The following NR5A2 variants were observed in gnomAD, a reference collection of about 807,000 sequenced individuals.
The protein encoded by NR5A2 is nuclear receptor subfamily 5 group A member 2.
Under a neutral mutation model 62.7 loss-of-function variants are expected in NR5A2, and 26 were observed. The ratio of observed to expected loss-of-function variants is 0.41; its 90% CI spans 0.30 to 0.58. The LOEUF (loss-of-function observed/expected upper bound fraction) is 0.58. Ranked by LOEUF, NR5A2 falls within the 20% of genes least tolerant of loss-of-function variation. NR5A2 has a pLI of 0.22. For synonymous variants in NR5A2, 246 were observed against 241.7 expected, an observed-to-expected ratio of 1.02 and a Z score of -0.16; for missense variants, 541 against 669.1, an observed-to-expected ratio of 0.81 and a Z score of 2.11.
intron 7 of NR5A2, among the ~76,000 whole-genome samples, chr1:200,129,437 C>T (rs80286282): frequency 1.6e-4 from 25 of 152,160 alleles, no homozygotes; most frequent in African/African-American, 6.0e-4. Flanking sequence ...CCCAGAAAAC[C>T]ACGGCACTTC....
chr1:200,068,405 T>C (rs1458753542), intron 5 of NR5A2, among the ~76,000 whole-genome samples: 1 of 152,224 alleles, frequency 6.6e-6, no homozygotes, highest in Non-Finnish European at 1.5e-5. Context: ...CAACAGGACT[T>C]AGTTTCCCAC....
chr1:200,029,318 C>G, intron 1 of NR5A2: 1 of 172,050 alleles, frequency 5.8e-6, no homozygotes, highest in South Asian at 1.6e-4. Flanking sequence ...TAGAGTTGAG[C>G]TGGGTCGGGA....
chr1:200,064,546 G>C (rs1372290211), intron 5 of NR5A2, among the ~76,000 whole-genome samples: 1 of 152,128 alleles, frequency 6.6e-6, no homozygotes, highest in East Asian at 1.9e-4. Context: ...GGTAAAGCTG[G>C]ACAGGTGAGC....
Position 200,147,136 on chromosome 1 carries a change from G to GA in NR5A2, c.1378+26187dup, listed in dbSNP as rs756196351. 6.6e-6 allele frequency among the ~76,000 whole-genome samples: 1 copy of GA among 152,118 alleles called. No homozygotes were observed. The highest frequency in any genetic ancestry group is 6.5e-5 in the Admixed American group (1 of 15,274). ...GGTGAGGAAAATAAAAAATGTTTCC[G>GA]AAAAAAGTGGGCTGTGATGCAAGGT... is the stretch of plus-strand genomic sequence containing the variant. On this transcript the variant is annotated intron_variant, in intron 7 of 7. Coordinates refer to ENST00000367362, the MANE Select transcript of NR5A2 (RefSeq NM_205860.3). This position sits in a 1 kb window ranked among gnomAD's most constrained non-coding sequence, Gnocchi z 4.9.
chr1:200,145,408 C>A (rs1024774173), intron 7 of NR5A2, among the ~76,000 whole-genome samples: 4 of 150,390 alleles, frequency 2.7e-5, no homozygotes, highest in African/African-American at 4.9e-5. Context: ...GGTGGTTCAC[C>A]AATTCCTGTG....
In NR5A2 at chr1:200,164,878, T is replaced by G. The variant is rs1374514850; in HGVS notation, c.1379-9085T>G. Among the ~76,000 whole-genome samples the G allele has an allele frequency of 1.6e-4, 22 of 141,568 alleles. 1 individual carries two copies. In the East Asian group the frequency reaches 4.3e-3, roughly 27 times the overall value. The allele number at this position is 141,568 out of a possible 152,430, so 92.9% of individuals were successfully genotyped here. On this transcript the variant is annotated intron_variant, in intron 7 of 7. Transcript: ENST00000367362. Reference sequence around the variant, plus strand: ...TATTTTTTAGAGCAGTTTTTTTTTTTTTTTTTTTTTTTTTTTAGACGGAGT... The same window carrying G: ...TATTTTTTAGAGCAGTTTTTTTTTTGTTTTTTTTTTTTTTTTAGACGGAGT...
chr1:200,127,544 G>A (rs1266029364), intron 7 of NR5A2, among the ~76,000 whole-genome samples: 1 of 151,114 alleles, frequency 6.6e-6, no homozygotes, highest in Admixed American at 6.6e-5. Flanking sequence ...AGGTGTGGTG[G>A]TGGGCACCTG....
In NR5A2 at chr1:200,177,365, GA is replaced by G. The variant is rs35364522; in HGVS notation, c.*3157del. 0.59 allele frequency: 89,822 copies of G among 151,730 alleles called. 26,827 individuals are homozygous for G. The highest frequency in any genetic ancestry group is 0.65 in the South Asian group (3,123 of 4,798). 9.4% of individuals were successfully genotyped at this position (151,730 alleles called of 1,614,324 possible). A position where few individuals can be genotyped will look rare whatever the true frequency, so the allele number is the denominator to read the frequency against. On this transcript the variant is annotated 3_prime_UTR_variant, in exon 8 of 8. Transcript: ENST00000367362. Reference sequence around the variant, plus strand: ...TTGCCAGGAACTTCTCAACAAAATGGAATTTTTTTTTTCAGTATTTCAATAA... The same window carrying G: ...TTGCCAGGAACTTCTCAACAAAATGGATTTTTTTTTTCAGTATTTCAATAA...
At chr1:200,107,598 T>C (rs1665744514) in intron 5 of NR5A2, among the ~76,000 whole-genome samples, 1 of 152,204 alleles carries the variant, frequency 6.6e-6, no homozygotes, top group African/African-American at 2.4e-5. Flanking sequence ...TTGAAGTGTG[T>C]CCTCAGCATC....
rs180694446 is a variant in NR5A2 at position 200,137,191 on chromosome 1, C to A, written c.1378+16236C>A. On this transcript the variant is annotated intron_variant, in intron 7 of 7. Transcript: ENST00000367362. ...TTTGAGACAGAGTCTTGCTCTGTTA[C>A]CTAGGCTGGAGTGTAGTAGCACAAT... is the stretch of plus-strand genomic sequence containing the variant. Among the ~76,000 whole-genome samples the A allele has an allele frequency of 4.0e-3, 602 of 151,704 alleles. 4 individuals carry two copies. Among genetic ancestry groups the A allele is most frequent in the African/African-American group, 0.014 (559 of 41,354 alleles).
chr1:200,165,906 C>G (rs1653878122), intron 7 of NR5A2, among the ~76,000 whole-genome samples: 1 of 152,166 alleles, frequency 6.6e-6, no homozygotes, highest in Non-Finnish European at 1.5e-5. Context: ...GTTATACAAC[C>G]AATATCCAAA....
At chr1:200,067,370 A>G (rs1460374068) in intron 5 of NR5A2, among the ~76,000 whole-genome samples, 2 of 152,242 alleles carry the variant, frequency 1.3e-5, no homozygotes, top group Non-Finnish European at 2.9e-5. Context: ...CAGCCTAACC[A>G]ACATGGAGAA....
At chr1:200,084,966 C>T (rs776440285) in intron 5 of NR5A2, among the ~76,000 whole-genome samples, 4 of 152,060 alleles carry the variant, frequency 2.6e-5, no homozygotes, top group South Asian at 4.1e-4. Context: ...CCGTTTGTAC[C>T]GGATCTGATT....
At chr1:200,130,321 G>GAAGAAGAAGAA (rs1219705682) in intron 7 of NR5A2, among the ~76,000 whole-genome samples, 1 of 31,732 alleles carries the variant, frequency 3.2e-5, no homozygotes, top group Non-Finnish European at 8.9e-5. Flanking sequence ...AGAAGAAGAA[G>GAAGAAGAAGAA]AAAAAAAAAA....
intron 7 of NR5A2, among the ~76,000 whole-genome samples, chr1:200,167,005 C>A (rs960768186): frequency 1.3e-5 from 2 of 152,142 alleles, no homozygotes. Context: ...CCTATAACAC[C>A]TTCTAGGATA....
chr1:200,173,162 A>C (rs1165191035), intron 7 of NR5A2, among the ~76,000 whole-genome samples: 1 of 152,214 alleles, frequency 6.6e-6, no homozygotes, highest in Admixed American at 6.5e-5. Context: ...ATGTCTAAAA[A>C]CAACTGCATA....
chr1:200,158,532 T>C (rs1249461832), intron 7 of NR5A2, among the ~76,000 whole-genome samples: 2 of 152,210 alleles, frequency 1.3e-5, no homozygotes, highest in African/African-American at 4.8e-5. Flanking sequence ...CTTGAATTTC[T>C]GATTCTGTTG....
At chr1:200,102,186 A>G (rs890094722) in intron 5 of NR5A2, among the ~76,000 whole-genome samples, 1 of 152,210 alleles carries the variant, frequency 6.6e-6, no homozygotes, top group African/African-American at 2.4e-5. Context: ...AATGAAACTT[A>G]ACTTTGGAAA....
At chr1:200,089,358 G>A (rs1160849851) in intron 5 of NR5A2, among the ~76,000 whole-genome samples, 4 of 151,864 alleles carry the variant, frequency 2.6e-5, no homozygotes, top group African/African-American at 7.2e-5. Flanking sequence ...ACTGGGTTTC[G>A]CCACTTTGGG....
Sources: allele counts gnomAD v4.1 joint callset (sites outside exome capture counted in the v4.1 genomes callset), GRCh38; gene constraint gnomAD v4.1.1; non-coding constraint Gnocchi (gnomAD v3.1); transcripts MANE v1.5; gene names NCBI Gene and HGNC (gene_info 2026-07-23, HGNC 2026-07-21).